Variants in AS3MT observed in about 807,000 individuals in gnomAD.
AS3MT encodes arsenite methyltransferase.
Under a neutral mutation model 45.3 loss-of-function variants are expected in AS3MT, and 47 were observed. The ratio of observed to expected loss-of-function variants is 1.04; its 90% CI spans 0.82 to 1.32. The LOEUF (loss-of-function observed/expected upper bound fraction) is 1.32, where lower values mean the gene tolerates loss of function less well. Ranked by LOEUF, AS3MT falls within the 40% of genes most tolerant of loss-of-function variation. The probability of loss-of-function intolerance (pLI) is 0.00; values close to 1 mark genes in which losing one functional copy is unlikely to be tolerated. For synonymous variants in AS3MT, 141 were observed against 152.8 expected, an observed-to-expected ratio of 0.92 and a Z score of 0.57; for missense variants, 396 against 451.1, an observed-to-expected ratio of 0.88 and a Z score of 1.11.
At chr10:102,898,420 AC>A (rs1173977910) in intron 10 of AS3MT, among the ~76,000 whole-genome samples, 1 of 151,854 alleles carries the variant, frequency 6.6e-6, no homozygotes, top group African/African-American at 2.4e-5. Context: ...ACATGGTGAA[AC>A]CCCCTCTCTA....
At chr10:102,883,140 G>A (rs916767862) in intron 9 of AS3MT, among the ~76,000 whole-genome samples, 1 of 138,942 alleles carries the variant, frequency 7.2e-6, no homozygotes, top group African/African-American at 2.7e-5. Context: ...TTGCTCTGTT[G>A]CCCAGGCTAG....
intron 5 of AS3MT, among the ~76,000 whole-genome samples, chr10:102,874,288 A>C (rs1013736840): frequency 6.6e-6 from 1 of 152,126 alleles, no homozygotes; most frequent in Non-Finnish European, 1.5e-5. Context: ...TGCCTTGTGC[A>C]GTAGGCATCT....
At chr10:102,877,082 G>A (rs775557298) in intron 7 of AS3MT, 47 bp downstream of exon 7, 11 of 1,546,664 alleles carry the variant, frequency 7.1e-6, no homozygotes, top group Non-Finnish European at 7.1e-6. Context: ...GGTTGTACAT[G>A]TGCAGAACTC....
chr10:102,885,400 C>T (rs1014834235), intron 9 of AS3MT, among the ~76,000 whole-genome samples: 3 of 151,022 alleles, frequency 2.0e-5, no homozygotes, highest in Admixed American at 6.6e-5. Context: ...GTGATCTTGG[C>T]TCACTGAAAC....
rs202147296 is a variant in AS3MT at position 102,893,485 on chromosome 10, A to AT, written c.1020+2816dup. Among the ~76,000 whole-genome samples the AT allele has an allele frequency of 9.0e-3, 1,135 of 126,640 alleles. 10 individuals are homozygous for AT. The highest frequency in any genetic ancestry group is 0.025 in the African/African-American group (840 of 33,264). 83.1% of individuals were successfully genotyped at this position (126,640 alleles called of 152,430 possible). A position where few individuals can be genotyped will look rare whatever the true frequency, so the allele number is the denominator to read the frequency against. ...AGGCATGTGCCACCATGCCTGGCTA[A>AT]TTTTTTTTTCTTTTTTTTTTTTTTT... On this transcript the variant is annotated intron_variant, in intron 10 of 10. Transcript: ENST00000369880.
intron 3 of AS3MT, 79 bp downstream of exon 3, chr10:102,870,290 A>G: frequency 1.3e-6 from 2 of 1,546,882 alleles, no homozygotes; most frequent in Non-Finnish European, 1.8e-6. Flanking sequence ...TCACTAGGGA[A>G]TTAACCCGTA....
At chr10:102,882,608 G>C (rs1844881993) in intron 9 of AS3MT, among the ~76,000 whole-genome samples, 1 of 151,774 alleles carries the variant, frequency 6.6e-6, no homozygotes, top group African/African-American at 2.4e-5. Flanking sequence ...ATTTATTTTT[G>C]AGATGGAGTC....
rs910299238 is a variant in AS3MT at position 102,900,973 on chromosome 10, G to A, written c.*273G>A. 5 of 261,098 alleles carry A rather than the reference G, an allele frequency of 1.9e-5. No individual in the cohort carries two copies. The highest frequency in any genetic ancestry group is 3.7e-5 in the Non-Finnish European group (5 of 133,770). The allele number at this position is 261,098 out of a possible 1,614,324, so 16.2% of individuals were successfully genotyped here. A position where few individuals can be genotyped will look rare whatever the true frequency, so the allele number is the denominator to read the frequency against. On this transcript the variant is annotated 3_prime_UTR_variant, in exon 11 of 11. Transcript: ENST00000369880. ...ATGGTGGTGCACACCTATAGTCTCA[G>A]CTACTCGGGAGGCTGAGGCAGGAGA... is the stretch of plus-strand genomic sequence containing the variant.
At chr10:102,899,211 C>T (rs1449058351) in intron 10 of AS3MT, among the ~76,000 whole-genome samples, 3 of 152,112 alleles carry the variant, frequency 2.0e-5, no homozygotes, top group Admixed American at 1.3e-4. Flanking sequence ...AGGCTGGTCT[C>T]GAACTCCTGA....
rs370039020 is a variant in AS3MT at position 102,878,444 on chromosome 10, T to C, written c.676T>C (p.Cys226Arg). ...LAVLAQKIGF[C>R]PPRLVTANLI... ...TGTCCTTGCTCAAAAAATTGGGTTC[T>C]GCCCTCCACGTTTGGTCACTGCCAA... Residue 226 changes from cysteine to arginine, a missense_variant, in exon 8 of 11, where the codon TGC becomes CGC. Cys to Arg is a radical substitution (Grantham distance 180). Coordinates refer to ENST00000369880, the MANE Select transcript of AS3MT (RefSeq NM_020682.4). The C allele has an allele frequency of 2.5e-6, 4 of 1,614,046 alleles. No homozygotes were observed. The highest frequency in any genetic ancestry group is 3.4e-6 in the Non-Finnish European group (4 of 1,180,032).
chr10:102,874,074 G>GA (rs1278230908), intron 5 of AS3MT, among the ~76,000 whole-genome samples: 1 of 152,052 alleles, frequency 6.6e-6, no homozygotes, highest in Non-Finnish European at 1.5e-5. Context: ...ACAACATGGC[G>GA]AAACCCCGTC....
Position 102,872,333 on chromosome 10 carries a change from A to G in AS3MT, c.171-115A>G. 2.7e-6 allele frequency: 3 copies of G among 1,116,094 alleles called. No homozygotes were observed. The South Asian group carries it at 4.1e-5, about 15-fold the overall frequency. The allele number at this position is 1,116,094 out of a possible 1,614,324, so 69.1% of individuals were successfully genotyped here. A position where few individuals can be genotyped will look rare whatever the true frequency, so the allele number is the denominator to read the frequency against. Reference sequence around the variant, plus strand: ...GAAGTATGAGTGAATGATGCAAGAAAGAAGGAAGGAAGGAAGGAACGGAGG... The same window carrying G: ...GAAGTATGAGTGAATGATGCAAGAAGGAAGGAAGGAAGGAAGGAACGGAGG... On this transcript the variant is annotated intron_variant, in intron 3 of 10. Transcript: ENST00000369880.
chr10:102,898,127 T>G (rs79027057), intron 10 of AS3MT, among the ~76,000 whole-genome samples: 1 of 152,112 alleles, frequency 6.6e-6, no homozygotes, highest in African/African-American at 2.4e-5. Context: ...TTTTTTTTTT[T>G]TCTTAACGGA....
intron 9 of AS3MT, among the ~76,000 whole-genome samples, chr10:102,889,741 T>C (rs1414891337): frequency 1.4e-5 from 2 of 143,364 alleles, no homozygotes; most frequent in Non-Finnish European, 3.0e-5. Context: ...AGTGGCGCAA[T>C]CTCAGCTCAC....
At position 102,885,797 on chromosome 10, in the gene AS3MT, G is replaced by A. The variant is rs554238142; in HGVS notation, c.886-4747G>A. On this transcript the variant is annotated intron_variant, in intron 9 of 10. Transcript: ENST00000369880. ...GCCCGCCTCGGCCTCCCAAAGTGCT[G>A]GGATTACAGGCGTGAGCCACCGCGC... Among the ~76,000 whole-genome samples the A allele has an allele frequency of 3.0e-4, 21 of 71,158 alleles. 4 individuals carry two copies. Among genetic ancestry groups the A allele is most frequent in the African/African-American group, 1.0e-3 (21 of 20,546 alleles). 46.7% of individuals were successfully genotyped at this position (71,158 alleles called of 152,430 possible).
At chr10:102,869,886 G>A (rs1007536062) in intron 2 of AS3MT, 41 bp downstream of exon 2, 1 of 1,612,036 alleles carries the variant, frequency 6.2e-7, no homozygotes, top group African/African-American at 1.3e-5. Context: ...GTGGAGCCTA[G>A]GCTAATGGAA....
chr10:102,892,149 C>T (rs1315391056), intron 10 of AS3MT, among the ~76,000 whole-genome samples: 1 of 151,896 alleles, frequency 6.6e-6, no homozygotes, highest in Non-Finnish European at 1.5e-5. Flanking sequence ...TTAGTTTGTG[C>T]CCTAAGTGGA....
At chr10:102,883,733 A>G (rs1344339493) in intron 9 of AS3MT, among the ~76,000 whole-genome samples, 1 of 151,692 alleles carries the variant, frequency 6.6e-6, no homozygotes, top group Non-Finnish European at 1.5e-5. Flanking sequence ...CAAACAAAGA[A>G]AAAACCCCCA....
At position 102,873,223 on chromosome 10, in the gene AS3MT, G is replaced by C; in HGVS notation, c.448G>C (p.Asp150His). Reference sequence around the variant, plus strand: ...GGCTGGAATCAAGAATGAGAGCCATGATATTGTTGTGTAGGTCTATATTCT... The same window carrying C: ...GGCTGGAATCAAGAATGAGAGCCATCATATTGTTGTGTAGGTCTATATTCT... ...GEAGIKNESH[D>H]IVVSNCVINL... The change falls in exon 5 of 11, where the codon GAT becomes CAT. Residue 150 changes from aspartate (D) to histidine (H), a missense_variant. By Grantham distance (81) the Asp-to-His change is moderately conservative. Transcript: ENST00000369880. 1 of 1,602,386 alleles carries C rather than the reference G, an allele frequency of 6.2e-7. No homozygotes were observed. The highest frequency in any genetic ancestry group is 8.5e-7 in the Non-Finnish European group (1 of 1,176,846).
Sources: gnomAD v4.1 joint callset for allele counts (sites outside exome capture counted in the v4.1 genomes callset) on GRCh38, gnomAD v4.1.1 for gene constraint, MANE v1.5 for transcripts, NCBI Gene and HGNC (gene_info 2026-07-23, HGNC 2026-07-21) for gene names.